DPP10: variants seen among roughly 807,000 people sequenced by gnomAD.
DPP10 encodes inactive dipeptidyl peptidase 10.
Under a neutral mutation model 120.9 loss-of-function variants are expected in DPP10, and 33 were observed. The observed-to-expected ratio is 0.27, with a 90% CI of 0.21 to 0.37. The LOEUF is 0.37. Among genes scored for constraint, DPP10 ranks in the 10% least tolerant of loss-of-function variants. The pLI, the probability that DPP10 is intolerant of heterozygous loss-of-function variation, is 1.00. For missense variants in DPP10, 816 were observed against 942.8 expected (o/e 0.87, Z 1.76); for synonymous variants, 337 against 326.1 (o/e 1.03, Z -0.36).
At chr2:114,670,779 A>G (rs1186624512) in intron 1 of DPP10, among the ~76,000 whole-genome samples, 1 of 152,166 alleles carries the variant, frequency 6.6e-6, no homozygotes, top group Admixed American at 6.5e-5. Flanking sequence ...AGGGAAAATT[A>G]TGTTTACTCT....
chr2:114,878,935 C>G (rs1277548099), intron 1 of DPP10, among the ~76,000 whole-genome samples: 5 of 152,006 alleles, frequency 3.3e-5, no homozygotes, highest in Non-Finnish European at 7.4e-5. Flanking sequence ...ACAAAATATA[C>G]TTGGCCCCCT....
chr2:114,693,515 T>G (rs1436891039), intron 1 of DPP10, among the ~76,000 whole-genome samples: 1 of 151,948 alleles, frequency 6.6e-6, no homozygotes, highest in South Asian at 2.1e-4. Flanking sequence ...TTAACATTTT[T>G]TCTTTCATTT....
intron 1 of DPP10, among the ~76,000 whole-genome samples, chr2:115,248,980 A>G (rs1284336665): frequency 6.6e-6 from 1 of 152,148 alleles, no homozygotes; most frequent in East Asian, 1.9e-4. Flanking sequence ...CAGTTTGAAA[A>G]TGGAAATTTT....
chr2:115,567,578 ATAGGCAAG>A (rs1307649325), intron 5 of DPP10, among the ~76,000 whole-genome samples: 3 of 151,990 alleles, frequency 2.0e-5, no homozygotes, highest in Admixed American at 6.6e-5. Flanking sequence ...TTTTATGGAA[ATAGGCAAG>A]TGTACTCAAC....
chr2:114,573,949 A>G (rs1689851185), intron 1 of DPP10, among the ~76,000 whole-genome samples: 1 of 152,216 alleles, frequency 6.6e-6, no homozygotes, highest in Admixed American at 6.5e-5. Context: ...GGATGGAGGC[A>G]TCAAAGAATG....
At chr2:114,696,189 C>T (rs1836759) in intron 1 of DPP10, among the ~76,000 whole-genome samples, 21,658 of 152,010 alleles carry the variant, frequency 0.14, 2,070 homozygotes, top group African/African-American at 0.27. Context: ...TAAATCAGCA[C>T]CATTTTCCAT....
chr2:114,470,878 C>G (rs1679850646), intron 1 of DPP10, among the ~76,000 whole-genome samples: 1 of 152,210 alleles, frequency 6.6e-6, no homozygotes, highest in South Asian at 2.1e-4. Context: ...CAGACATCAT[C>G]TCACCAACTA....
At chr2:114,811,824 A>G (rs1374895771) in intron 1 of DPP10, among the ~76,000 whole-genome samples, 1 of 152,228 alleles carries the variant, frequency 6.6e-6, no homozygotes, top group Non-Finnish European at 1.5e-5. Flanking sequence ...TCTACAATAG[A>G]GCAGAAAAGA....
chr2:115,004,354 A>C (rs1701655851), intron 1 of DPP10, among the ~76,000 whole-genome samples: 3 of 151,164 alleles, frequency 2.0e-5, no homozygotes, highest in South Asian at 2.1e-4. Context: ...ACAAATATCT[A>C]GGGGGAGGAG....
chr2:115,622,937 G>A (rs541001079), intron 5 of DPP10, among the ~76,000 whole-genome samples: 27 of 151,414 alleles, frequency 1.8e-4, no homozygotes, highest in African/African-American at 6.5e-4. Flanking sequence ...CTGCCTCCCG[G>A]GTTCATGCCA....
At chr2:115,102,719 T>G (rs914696042) in intron 1 of DPP10, among the ~76,000 whole-genome samples, 5 of 151,896 alleles carry the variant, frequency 3.3e-5, no homozygotes, top group African/African-American at 1.2e-4. Flanking sequence ...ATGGGGGAGT[T>G]TTGGTACAGA....
At chr2:115,773,652 T>C (rs563811890) in intron 13 of DPP10, among the ~76,000 whole-genome samples, 2 of 152,248 alleles carry the variant, frequency 1.3e-5, no homozygotes, top group Admixed American at 6.6e-5. Context: ...AATGTTATTG[T>C]AGAGAAAAAA....
intron 1 of DPP10, among the ~76,000 whole-genome samples, chr2:115,283,640 G>C (rs1160932386): frequency 6.6e-6 from 1 of 151,966 alleles, no homozygotes; most frequent in Non-Finnish European, 1.5e-5. Flanking sequence ...ATTATTACCA[G>C]GTAGGGGAGA....
intron 5 of DPP10, among the ~76,000 whole-genome samples, chr2:115,531,535 A>G (rs1019963811): frequency 2.0e-5 from 3 of 152,020 alleles, no homozygotes; most frequent in African/African-American, 7.2e-5. Context: ...CTGACCTTGG[A>G]TGTTGCTCTA....
intron 1 of DPP10, among the ~76,000 whole-genome samples, chr2:115,275,049 A>G (rs1389061175): frequency 6.6e-6 from 1 of 152,188 alleles, no homozygotes; most frequent in South Asian, 2.1e-4. Context: ...AAGGTCAATG[A>G]TTTAAACCAG....
chr2:114,624,641 T>C (rs1218137014), intron 1 of DPP10, among the ~76,000 whole-genome samples: 1 of 152,092 alleles, frequency 6.6e-6, no homozygotes, highest in Admixed American at 6.6e-5. Flanking sequence ...CTTTTCTATA[T>C]ATATGGTGAT....
intron 3 of DPP10, among the ~76,000 whole-genome samples, chr2:115,481,176 A>G (rs1326775346): frequency 6.6e-6 from 1 of 152,134 alleles, no homozygotes; most frequent in East Asian, 1.9e-4. Flanking sequence ...GCCTCCAGTA[A>G]TTCAAGAAGA....
At chr2:115,799,030 A>C (rs2149955940) in intron 19 of DPP10, among the ~76,000 whole-genome samples, 1 of 152,216 alleles carries the variant, frequency 6.6e-6, no homozygotes, top group South Asian at 2.1e-4. Flanking sequence ...GGAAGTTGCT[A>C]GATCAGCCAC....
chr2:114,591,969 A>G (rs72953512), intron 1 of DPP10, among the ~76,000 whole-genome samples: 3,657 of 152,254 alleles, frequency 0.024, 152 homozygotes, highest in African/African-American at 0.083. Context: ...TTATTAGGAA[A>G]AGTGATACTA....
Sources: allele counts gnomAD v4.1 joint callset (sites outside exome capture counted in the v4.1 genomes callset), GRCh38; gene constraint gnomAD v4.1.1; transcripts MANE v1.5; gene names NCBI Gene and HGNC (gene_info 2026-07-23, HGNC 2026-07-21).